Variants in SGCZ observed in about 807,000 individuals in gnomAD.
The protein encoded by SGCZ is sarcoglycan zeta.
Under a neutral mutation model 41.3 loss-of-function variants are expected in SGCZ, and 40 were observed. The observed-to-expected ratio is 0.97, with a 90% CI of 0.75 to 1.26. SGCZ has a LOEUF of 1.26. SGCZ is among the 50% of genes most tolerant of loss of function. The pLI is 0.00. For synonymous variants in SGCZ, 206 were observed against 137.5 expected, an observed-to-expected ratio of 1.50 and a Z score of -3.49; for missense variants, 552 against 369.8, an observed-to-expected ratio of 1.49 and a Z score of -4.04.
intron 1 of SGCZ, among the ~76,000 whole-genome samples, chr8:14,664,687 T>A (rs1807851943): frequency 6.6e-6 from 1 of 152,218 alleles, no homozygotes; most frequent in Non-Finnish European, 1.5e-5. Flanking sequence ...GTGTGTCACT[T>A]AGTGTATGCT....
At chr8:14,305,085 T>C (rs988095978) in intron 3 of SGCZ, among the ~76,000 whole-genome samples, 1 of 152,202 alleles carries the variant, frequency 6.6e-6, no homozygotes, top group Non-Finnish European at 1.5e-5. Flanking sequence ...AGTGTTTTAA[T>C]ATGTAAAGAT....
chr8:14,807,873 CA>C (rs1275194901), intron 1 of SGCZ, among the ~76,000 whole-genome samples: 1 of 152,006 alleles, frequency 6.6e-6, no homozygotes, highest in African/African-American at 2.4e-5. Flanking sequence ...ATACTGGTAC[CA>C]AAACAGAGAT....
chr8:14,704,735 T>C (rs1213644514), intron 1 of SGCZ, among the ~76,000 whole-genome samples: 1 of 151,938 alleles, frequency 6.6e-6, no homozygotes, highest in African/African-American at 2.4e-5. Flanking sequence ...TTTTTTCCAA[T>C]GCCATTACAC....
chr8:14,990,442 C>G (rs1801971122), intron 1 of SGCZ, among the ~76,000 whole-genome samples: 1 of 152,112 alleles, frequency 6.6e-6, no homozygotes, highest in Admixed American at 6.5e-5. Context: ...GCTGGGATTA[C>G]TGCCTGAGCT....
intron 1 of SGCZ, among the ~76,000 whole-genome samples, chr8:14,686,267 A>C (rs1808607758): frequency 6.6e-6 from 1 of 152,160 alleles, no homozygotes; most frequent in East Asian, 1.9e-4. Flanking sequence ...CAAATGAATA[A>C]TTGCTGTAAT....
intron 4 of SGCZ, among the ~76,000 whole-genome samples, chr8:14,230,140 T>C (rs1404223981): frequency 6.6e-6 from 1 of 152,080 alleles, no homozygotes; most frequent in South Asian, 2.1e-4. Context: ...TTGAGGAACG[T>C]AAGGACCAGT....
In SGCZ at chr8:14,372,115, A is replaced by G. The variant is rs377701075; in HGVS notation, c.235-47911T>C. ...AGGAATTGAAAGGATTTTAGGATAT[A>G]CAATAAGAAAGGAAATAAGATTACA... On this transcript the variant is annotated intron_variant, in intron 2 of 7. Coordinates refer to ENST00000382080, the MANE Select transcript of SGCZ (RefSeq NM_139167.4). Among the ~76,000 whole-genome samples, 19 of 152,298 alleles carry G rather than the reference A, an allele frequency of 1.2e-4. 1 individual carries two copies. In the East Asian group the frequency reaches 3.7e-3, roughly 29 times the overall value.
intron 1 of SGCZ, among the ~76,000 whole-genome samples, chr8:14,750,369 A>C (rs1425617804): frequency 6.6e-6 from 1 of 152,158 alleles, no homozygotes; most frequent in Admixed American, 6.5e-5. Flanking sequence ...TAAATCATTT[A>C]AAATATAGTA....
chr8:14,860,214 T>G (rs1350646677), intron 1 of SGCZ, among the ~76,000 whole-genome samples: 7 of 152,198 alleles, frequency 4.6e-5, no homozygotes, highest in Non-Finnish European at 8.8e-5. Flanking sequence ...TTTTTCTTCT[T>G]ATTGACATTT....
chr8:14,161,918 G>A (rs1804059054), intron 5 of SGCZ, among the ~76,000 whole-genome samples: 1 of 151,912 alleles, frequency 6.6e-6, no homozygotes, highest in Non-Finnish European at 1.5e-5. Flanking sequence ...ACACACACAT[G>A]GGATGGGGAA....
At chr8:14,349,446 A>G (rs908220462) in intron 2 of SGCZ, among the ~76,000 whole-genome samples, 2 of 151,888 alleles carry the variant, frequency 1.3e-5, no homozygotes, top group African/African-American at 2.4e-5. Flanking sequence ...GCTTTCCCCT[A>G]TGTCAACATG....
At chr8:14,421,224 A>T (rs906095779) in intron 2 of SGCZ, among the ~76,000 whole-genome samples, 2 of 151,960 alleles carry the variant, frequency 1.3e-5, no homozygotes, top group African/African-American at 4.8e-5. Context: ...GGGGCTATTG[A>T]TCTCATGTTT....
At chr8:14,929,246 C>G (rs975331500) in intron 1 of SGCZ, among the ~76,000 whole-genome samples, 3 of 152,150 alleles carry the variant, frequency 2.0e-5, no homozygotes, top group African/African-American at 4.8e-5. Context: ...CCGCCTCGGC[C>G]TCCCAAAGTA....
At chr8:15,067,873 T>C (rs571224880) in intron 1 of SGCZ, among the ~76,000 whole-genome samples, 8 of 152,178 alleles carry the variant, frequency 5.3e-5, no homozygotes, top group Middle Eastern at 3.2e-3. Context: ...CCATTCCTCC[T>C]GTGCCAATAT....
At chr8:14,533,745 C>T (rs1225219582) in intron 2 of SGCZ, among the ~76,000 whole-genome samples, 1 of 151,910 alleles carries the variant, frequency 6.6e-6, no homozygotes, top group Admixed American at 6.6e-5. Flanking sequence ...TAAGTTTAAA[C>T]ACCATTAACC....
chr8:14,362,953 AGATGT>A (rs1803579717), intron 2 of SGCZ, among the ~76,000 whole-genome samples: 1 of 152,236 alleles, frequency 6.6e-6, no homozygotes. Context: ...CAATGTGGTA[AGATGT>A]GAGTTTTTAA....
chr8:14,137,189 A>G (rs1803225367), intron 5 of SGCZ, among the ~76,000 whole-genome samples: 1 of 152,208 alleles, frequency 6.6e-6, no homozygotes, highest in South Asian at 2.1e-4. Context: ...ATTAAAGACC[A>G]AAGGTAGGTA....
intron 4 of SGCZ, among the ~76,000 whole-genome samples, chr8:14,235,126 A>G (rs141731776): frequency 6.6e-6 from 1 of 152,340 alleles, no homozygotes; most frequent in East Asian, 1.9e-4. Flanking sequence ...TTTAGAGATG[A>G]GAAAACGGAG....
intron 4 of SGCZ, among the ~76,000 whole-genome samples, chr8:14,217,837 G>A (rs28511571): frequency 0.073 from 11,077 of 151,682 alleles, 531 homozygotes; most frequent in African/African-American, 0.12. Flanking sequence ...CACCATGTTG[G>A]CCAGGCTCGT....
Sources: allele counts gnomAD v4.1 joint callset (sites outside exome capture counted in the v4.1 genomes callset), GRCh38; gene constraint gnomAD v4.1.1; transcripts MANE v1.5; gene names NCBI Gene and HGNC (gene_info 2026-07-23, HGNC 2026-07-21).